Variants in CTDP1 observed in about 807,000 individuals in gnomAD.
CTDP1 encodes the protein CTD phosphatase 1.
In CTDP1, 47 loss-of-function variants were observed where a neutral mutation model predicts 91.8. The observed-to-expected ratio is 0.51, with a 90% CI of 0.41 to 0.65. The LOEUF (loss-of-function observed/expected upper bound fraction) is 0.65. Ranked by LOEUF, CTDP1 falls within the 30% of genes least tolerant of loss-of-function variation. CTDP1 has a pLI of 0.00. For missense variants in CTDP1, 1,272 were observed against 1,373.7 expected (o/e 0.93, Z 1.17); for synonymous variants, 656 against 598.5 (o/e 1.10, Z -1.40).
intron 4 of CTDP1, among the ~76,000 whole-genome samples, chr18:79,704,431 C>T (rs1353570519): frequency 6.6e-6 from 1 of 151,712 alleles, no homozygotes; most frequent in African/African-American, 2.4e-5. Flanking sequence ...TCCTCTGTCC[C>T]GTGTGGAGGG....
chr18:79,710,123 T>C (rs894947622), intron 5 of CTDP1, among the ~76,000 whole-genome samples: 3 of 152,218 alleles, frequency 2.0e-5, no homozygotes, highest in African/African-American at 7.2e-5. Context: ...AGTAGAATTA[T>C]AAACACTTAT....
At chr18:79,709,594 A>T (rs2086038827) in intron 5 of CTDP1, among the ~76,000 whole-genome samples, 1 of 152,242 alleles carries the variant, frequency 6.6e-6, no homozygotes, top group African/African-American at 2.4e-5. Context: ...AACGGATGTC[A>T]TGTGAAGTGC....
chr18:79,719,668 CATT>C (rs1260297536), intron 10 of CTDP1, among the ~76,000 whole-genome samples: 5 of 147,996 alleles, frequency 3.4e-5, no homozygotes, highest in East Asian at 2.0e-4. Flanking sequence ...CACCTCCCAT[CATT>C]AGGAAAGCGT....
chr18:79,686,399 T>C (rs2085494077), intron 1 of CTDP1, among the ~76,000 whole-genome samples: 1 of 152,244 alleles, frequency 6.6e-6, no homozygotes, highest in African/African-American at 2.4e-5. Flanking sequence ...AAGTGCTTTT[T>C]ATATTTTCAG....
intron 1 of CTDP1, among the ~76,000 whole-genome samples, chr18:79,694,603 G>A (rs1024813453): frequency 4.0e-5 from 6 of 150,892 alleles, no homozygotes; most frequent in African/African-American, 9.8e-5. Context: ...AGGGTGGGGC[G>A]GTCGGAGCAG....
rs149248346 is a variant in CTDP1, at chr18:79,695,680, A to G, written c.399-297A>G. On this transcript the variant is annotated intron_variant, in intron 2 of 12. Transcript: ENST00000613122. ...ATGCCAAGTGGGAGGTGCGGCAGCT[A>G]CTTTTTCTGCGTTTTCATGGTTGAG... Among the ~76,000 whole-genome samples, 410 of 152,220 alleles carry G rather than the reference A, an allele frequency of 2.7e-3. 1 individual carries two copies. The highest frequency in any genetic ancestry group is 9.3e-3 in the African/African-American group (387 of 41,548).
At chr18:79,714,379 C>T (rs998842677) in intron 7 of CTDP1, 112 bp from the exon 8 acceptor site, 30 of 1,269,140 alleles carry the variant, frequency 2.4e-5, no homozygotes, top group Non-Finnish European at 3.3e-5. Flanking sequence ...AAGGCCTGGT[C>T]TAGAGGGTGG....
rs776040385 is a variant in CTDP1 at position 79,718,031 on chromosome 18, A to C, written c.2417+15A>C. ...TCTTCCTTCAGGTACGTGGCGGCCC[A>C]GCCACTGTCCCCAGCTAATGAGGGC... is the stretch of plus-strand genomic sequence containing the variant. On this transcript the variant is annotated intron_variant, in intron 10 of 12. Transcript: ENST00000613122. The C allele has an allele frequency of 4.3e-6, 7 of 1,612,208 alleles. No individual in the cohort carries two copies. Among genetic ancestry groups the C allele is most frequent in the African/African-American group, 1.3e-5 (1 of 74,932 alleles).
intron 12 of CTDP1, 140 bp downstream of exon 12, chr18:79,736,661 C>A: frequency 2.3e-6 from 2 of 879,452 alleles, no homozygotes; most frequent in Non-Finnish European, 3.4e-6. Flanking sequence ...CCAAACTCAG[C>A]AGCCCCTGGT....
chr18:79,699,863 C>T (rs551952857), intron 4 of CTDP1, among the ~76,000 whole-genome samples: 220 of 152,262 alleles, frequency 1.4e-3, no homozygotes, highest in African/African-American at 5.1e-3. Flanking sequence ...GGAAATTTCC[C>T]GTGTACTTCA....
At position 79,679,895 on chromosome 18, in the gene CTDP1, C is replaced by A; in HGVS notation, c.-53C>A. ...TTGTGTCGCCGCGGTAGGCGCTGCG[C>A]TCTGAGCGCAGCGCAGGCCCCGTAC... On this transcript the variant is annotated 5_prime_UTR_variant, in exon 1 of 13. Transcript: ENST00000613122. 1 of 1,343,166 alleles carries A rather than the reference C, an allele frequency of 7.4e-7. No individual in the cohort carries two copies. The highest frequency in any genetic ancestry group is 1.5e-5 in the South Asian group (1 of 64,784). 83.2% of individuals were successfully genotyped at this position (1,343,166 alleles called of 1,614,324 possible).
intron 10 of CTDP1, among the ~76,000 whole-genome samples, chr18:79,719,357 G>T (rs554134961): frequency 3.9e-5 from 6 of 152,076 alleles, no homozygotes; most frequent in Admixed American, 2.6e-4. Context: ...GGGCCGGTGC[G>T]GGTGGCTTCC....
chr18:79,748,007 C>T (rs567934976), intron 12 of CTDP1, among the ~76,000 whole-genome samples: 2 of 152,272 alleles, frequency 1.3e-5, no homozygotes, highest in Admixed American at 1.3e-4. Context: ...GTATTCTTGC[C>T]TTATTCAATG....
intron 10 of CTDP1, among the ~76,000 whole-genome samples, chr18:79,720,627 G>A (rs1267052941): frequency 2.0e-5 from 3 of 152,220 alleles, no homozygotes; most frequent in Admixed American, 6.5e-5. Context: ...TCCTGTTAAG[G>A]CATCCTCGTG....
upstream of CTDP1, chr18:79,679,568 G>A (rs1362695762): frequency 8.6e-6 from 4 of 464,730 alleles, no homozygotes; most frequent in South Asian, 3.1e-5. Flanking sequence ...GTAGTTCCGA[G>A]CGCGCCAAGA....
intron 5 of CTDP1, among the ~76,000 whole-genome samples, chr18:79,709,579 T>A (rs1001256290): frequency 1.3e-5 from 2 of 152,228 alleles, no homozygotes; most frequent in Admixed American, 1.3e-4. Flanking sequence ...ACTAGACTTG[T>A]AATTAACGGA....
chr18:79,680,033 C>T lies in CTDP1; in HGVS notation c.86C>T (p.Pro29Leu). Residue 29 changes from proline (P) to leucine (L), a missense_variant, in exon 1 of 13, where the codon CCG (proline) becomes CTG (leucine). Transcript: ENST00000613122. Reference protein sequence around the residue: ...VAEVRCPGPAPLRLLEWRVAA... With the variant: ...VAEVRCPGPALLRLLEWRVAA... Reference sequence around the variant, plus strand: ...GAGGTGCGCTGCCCGGGGCCCGCGCCGCTGCGCCTGCTGGAGTGGAGGGTG... The same window carrying T: ...GAGGTGCGCTGCCCGGGGCCCGCGCTGCTGCGCCTGCTGGAGTGGAGGGTG... 8.7e-6 allele frequency: 11 copies of T among 1,259,796 alleles called. No individual in the cohort carries two copies. Among genetic ancestry groups the T allele is most frequent in the South Asian group, 2.8e-5 (1 of 36,310 alleles). The allele number at this position is 1,259,796 out of a possible 1,614,324, so 78.0% of individuals were successfully genotyped here.
intron 5 of CTDP1, 132 bp downstream of exon 5, chr18:79,705,049 T>A: frequency 7.1e-6 from 10 of 1,399,136 alleles, no homozygotes; most frequent in Non-Finnish European, 9.8e-6. Flanking sequence ...GGTTGGCCGT[T>A]GTGCAGGGGG....
chr18:79,735,868 G>A (rs9961402), intron 11 of CTDP1: 143 of 182,454 alleles, frequency 7.8e-4, no homozygotes, highest in African/African-American at 3.1e-3. Context: ...TGCCCAGAGC[G>A]AGCGGGTGGA....
Sources: allele counts gnomAD v4.1 joint callset (sites outside exome capture counted in the v4.1 genomes callset), GRCh38; gene constraint gnomAD v4.1.1; transcripts MANE v1.5; gene names NCBI Gene and HGNC (gene_info 2026-07-23, HGNC 2026-07-21).